Variants in ORC4 observed in about 807,000 individuals in gnomAD.
ORC4 encodes origin recognition complex subunit 4.
Under a neutral mutation model 63.9 loss-of-function variants are expected in ORC4, and 55 were observed. That is an observed-to-expected ratio of 0.86 (90% CI 0.69 to 1.08). ORC4 has a LOEUF of 1.08. Ranked by LOEUF, ORC4 falls within the 50% of genes least tolerant of loss-of-function variation. ORC4 has a pLI of 0.00. For synonymous variants in ORC4, 150 were observed against 168.5 expected (o/e 0.89, Z 0.85); for missense variants, 511 against 504.4 (o/e 1.01, Z -0.13).
chr2:147,984,562 G>A (rs1691080791), intron 1 of ORC4, among the ~76,000 whole-genome samples: 1 of 152,120 alleles, frequency 6.6e-6, no homozygotes, highest in Non-Finnish European at 1.5e-5. Flanking sequence ...CCCTTACATT[G>A]TTCAAGAGTC....
At chr2:147,962,069 T>C (rs750110180) in intron 4 of ORC4, among the ~76,000 whole-genome samples, 1 of 151,880 alleles carries the variant, frequency 6.6e-6, no homozygotes, top group African/African-American at 2.4e-5. Context: ...GAAGGGGAAA[T>C]GTGTAGTGAC....
chr2:147,955,310 C>T, intron 7 of ORC4, 37 bp downstream of exon 7: 1 of 1,423,040 alleles, frequency 7.0e-7, no homozygotes, highest in South Asian at 1.2e-5. Context: ...AAAGTTAAAA[C>T]AGATCTTCTG....
chr2:147,933,454 T>C lies in ORC4; in HGVS notation c.*2056A>G, dbSNP rs1039940743. On this transcript the variant is annotated 3_prime_UTR_variant, in exon 14 of 14. Transcript: ENST00000392857. The stretch of plus-strand genomic sequence containing the variant: ...ACTTCATTTGTGTAACTTTTCCTAA[T>C]GTATTTTTTTTTAATTTGCTTTATA... 1.1e-4 allele frequency: 17 copies of C among 152,064 alleles called. No homozygotes were observed. The highest frequency in any genetic ancestry group is 5.3e-4 in the Admixed American group (8 of 15,226). The allele number at this position is 152,064 out of a possible 1,614,324, so 9.4% of individuals were successfully genotyped here. A position where few individuals can be genotyped will look rare whatever the true frequency, so the allele number is the denominator to read the frequency against.
At chr2:147,938,250 T>A in intron 12 of ORC4, 37 bp from the exon 13 acceptor site, 6 of 1,594,878 alleles carry the variant, frequency 3.8e-6, no homozygotes, top group Non-Finnish European at 2.6e-6. Flanking sequence ...TACCTTCAAA[T>A]AAGCAGTGGG....
intron 1 of ORC4, among the ~76,000 whole-genome samples, chr2:147,977,119 C>G (rs1175089151): frequency 6.6e-6 from 1 of 152,152 alleles, no homozygotes; most frequent in Non-Finnish European, 1.5e-5. Flanking sequence ...GGAATAACTA[C>G]TATTATAATC....
chr2:148,011,138 TTC>T (rs1367587056), intron 1 of ORC4, among the ~76,000 whole-genome samples: 2 of 152,104 alleles, frequency 1.3e-5, no homozygotes, highest in Non-Finnish European at 2.9e-5. Flanking sequence ...CCCAGATTTA[TTC>T]TGATACCAAA....
At chr2:147,941,901 A>T (rs1042163593) in intron 10 of ORC4, among the ~76,000 whole-genome samples, 1 of 152,126 alleles carries the variant, frequency 6.6e-6, no homozygotes, top group Non-Finnish European at 1.5e-5. Context: ...AAATAGGGAT[A>T]AAAAGACTTA....
chr2:148,020,266 T>C (rs1693617660), intron 1 of ORC4, among the ~76,000 whole-genome samples: 1 of 152,224 alleles, frequency 6.6e-6, no homozygotes, highest in Non-Finnish European at 1.5e-5. Context: ...GACTTGTCTC[T>C]GTCCCTAGAT....
intron 1 of ORC4, among the ~76,000 whole-genome samples, chr2:147,995,829 C>T (rs943823621): frequency 6.6e-6 from 1 of 152,102 alleles, no homozygotes; most frequent in African/African-American, 2.4e-5. Context: ...CGAGGGTCTG[C>T]GGCTTCATTC....
chr2:147,988,094 T>C (rs1206876154), intron 1 of ORC4, among the ~76,000 whole-genome samples: 2 of 151,520 alleles, frequency 1.3e-5, no homozygotes, highest in African/African-American at 4.8e-5. Flanking sequence ...TGTTTACCTA[T>C]AAATATCTAT....
intron 1 of ORC4, among the ~76,000 whole-genome samples, chr2:147,989,741 A>T (rs866562058): frequency 6.6e-6 from 1 of 152,032 alleles, no homozygotes; most frequent in South Asian, 2.1e-4. Flanking sequence ...AACAACAAGA[A>T]ACAAAAACCA....
rs144397680 is a variant in ORC4 at position 147,939,220 on chromosome 2, G to A, written c.878C>T (p.Ser293Leu). Residue 293 changes from serine to leucine, a missense_variant, in exon 11 of 14, where the codon TCG becomes TTG. By Grantham distance (145) the Ser-to-Leu change is moderately radical. Coordinates refer to ENST00000392857, the MANE Select transcript of ORC4 (RefSeq NM_181741.4). ...LMLALNRVTA[S>L]HPFMTAVDLM... Reference sequence around the variant, plus strand: ...ATCTACGGCAGTCATAAATGGGTGCGATGCTGTTACTCGATTTAAAGCAAG... The same window carrying A: ...ATCTACGGCAGTCATAAATGGGTGCAATGCTGTTACTCGATTTAAAGCAAG... 31 of 1,611,948 alleles carry A rather than the reference G, an allele frequency of 1.9e-5. No individual in the cohort carries two copies. The highest frequency in any genetic ancestry group is 2.2e-5 in the South Asian group (2 of 91,054).
At chr2:148,005,906 G>A (rs1306827420) in intron 1 of ORC4, among the ~76,000 whole-genome samples, 1 of 152,092 alleles carries the variant, frequency 6.6e-6, no homozygotes. Flanking sequence ...AGCCCAGGAG[G>A]TCAATTGAGG....
intron 1 of ORC4, among the ~76,000 whole-genome samples, chr2:148,016,073 A>G (rs1693264672): frequency 6.6e-6 from 1 of 152,226 alleles, no homozygotes; most frequent in South Asian, 2.1e-4. Context: ...AAGCAAATTG[A>G]AAAGGTGAAA....
chr2:147,952,359 A>C lies in ORC4; in HGVS notation c.588+14T>G. On this transcript the variant is annotated intron_variant, in intron 8 of 13. Coordinates refer to ENST00000392857, the MANE Select transcript of ORC4 (RefSeq NM_181741.4). The stretch of plus-strand genomic sequence containing the variant: ...ATATTATAATCAATTTTTTTAATGA[A>C]CAGAAAGACTTACCAATCTACATGT... The C allele has an allele frequency of 6.4e-7, 1 of 1,563,302 alleles. No homozygotes were observed. The highest frequency in any genetic ancestry group is 8.8e-7 in the Non-Finnish European group (1 of 1,138,854).
chr2:148,018,828 A>G (rs1230059881), intron 1 of ORC4, among the ~76,000 whole-genome samples: 1 of 152,210 alleles, frequency 6.6e-6, no homozygotes, highest in Non-Finnish European at 1.5e-5. Context: ...TAACCACTGA[A>G]AAGAATTGAG....
rs1687898306 is a variant in ORC4 at position 147,933,742 on chromosome 2, C to T, written c.*1768G>A. ...TTAGAGCATAAGTGTAAAATTCTTGCTTCTAGTATATAATAGTGATGTTAC... is the reference window on the plus strand; with the variant it reads ...TTAGAGCATAAGTGTAAAATTCTTGTTTCTAGTATATAATAGTGATGTTAC... On this transcript the variant is annotated 3_prime_UTR_variant, in exon 14 of 14. Transcript: ENST00000392857. 6.6e-6 allele frequency: 1 copy of T among 152,024 alleles called. No homozygotes were observed. The highest frequency in any genetic ancestry group is 2.4e-5 in the African/African-American group (1 of 41,400). 9.4% of individuals were successfully genotyped at this position (152,024 alleles called of 1,614,324 possible). A position where few individuals can be genotyped will look rare whatever the true frequency, so the allele number is the denominator to read the frequency against.
chr2:147,947,508 C>G (rs548623298), intron 9 of ORC4, among the ~76,000 whole-genome samples: 2 of 151,928 alleles, frequency 1.3e-5, no homozygotes, highest in African/African-American at 2.4e-5. Flanking sequence ...TATGAACCTG[C>G]CTTTGTATCT....
intron 4 of ORC4, 65 bp from the exon 5 acceptor site, chr2:147,958,931 T>C (rs947254271): frequency 1.0e-4 from 75 of 720,378 alleles, no homozygotes; most frequent in Non-Finnish European, 1.8e-4. Context: ...TATTCGTTTT[T>C]AAACTACAAG....
Sources: gnomAD v4.1 joint callset for allele counts (sites outside exome capture counted in the v4.1 genomes callset) on GRCh38, gnomAD v4.1.1 for gene constraint, MANE v1.5 for transcripts, NCBI Gene and HGNC (gene_info 2026-07-23, HGNC 2026-07-21) for gene names.